RARRES1: variants seen among roughly 807,000 people sequenced by gnomAD.
The protein encoded by RARRES1 is retinoic acid receptor responder protein 1.
In RARRES1, 34 loss-of-function variants were observed where a neutral mutation model predicts 30.6. That is an observed-to-expected ratio of 1.11 (90% CI 0.84 to 1.48). The LOEUF (loss-of-function observed/expected upper bound fraction) is 1.48, where lower values mean the gene tolerates loss of function less well. Ranked by LOEUF, RARRES1 falls within the 40% of genes most tolerant of loss-of-function variation. RARRES1 has a pLI of 0.00. For missense variants in RARRES1, 373 were observed against 386.5 expected, an observed-to-expected ratio of 0.97 and a Z score of 0.29; for synonymous variants, 153 against 155.5, an observed-to-expected ratio of 0.98 and a Z score of 0.12.
chr3:158,730,389 TTC>T (rs1727839647), intron 1 of RARRES1, among the ~76,000 whole-genome samples: 1 of 98,972 alleles, frequency 1.0e-5, no homozygotes, highest in East Asian at 2.2e-4. Context: ...CCTTCCTTCC[TTC>T]CTTCCTTCCT....
intron 2 of RARRES1, among the ~76,000 whole-genome samples, chr3:158,712,835 A>G (rs1727182905): frequency 6.6e-6 from 1 of 152,240 alleles, no homozygotes. Flanking sequence ...CTACAGGATC[A>G]AATCCAGGGA....
In RARRES1 at chr3:158,704,769, T is replaced by A. The variant is rs1400513229; in HGVS notation, c.672+22A>T. ...TTGATTGTAACTCTTGTGGCACAAG[T>A]TAATTTTCAGGTTTTTCTTACCCAC... On this transcript the variant is annotated intron_variant, in intron 4 of 5. Coordinates refer to ENST00000237696, the MANE Select transcript of RARRES1 (RefSeq NM_206963.2). 5 of 1,607,796 alleles carry A rather than the reference T, an allele frequency of 3.1e-6. No individual in the cohort carries two copies. The African/African-American group carries it at 6.7e-5, about 21-fold the overall frequency.
rs755501376 is a variant in RARRES1 at position 158,697,992 on chromosome 3, A to G, written c.673-22T>C. 9.7e-6 allele frequency: 14 copies of G among 1,450,464 alleles called. No individual in the cohort carries two copies. The South Asian group carries it at 1.4e-4, about 15-fold the overall frequency. 89.8% of individuals were successfully genotyped at this position (1,450,464 alleles called of 1,614,324 possible). ...TTTTCTAGAGGGAGAAAAAAGAGTT[A>G]GTGTAATAAATATGGTGGTATTTAG... On this transcript the variant is annotated intron_variant, in intron 4 of 5. Coordinates refer to ENST00000237696, the MANE Select transcript of RARRES1 (RefSeq NM_206963.2).
At chr3:158,704,742 C>CTT in intron 4 of RARRES1, 49 bp downstream of exon 4, 2 of 1,595,088 alleles carry the variant, frequency 1.3e-6, no homozygotes, top group South Asian at 2.3e-5. Flanking sequence ...AAGGAGACCA[C>CTT]TTTGATTGTA....
In RARRES1 at chr3:158,732,156, T is replaced by G. The variant is rs972590439; in HGVS notation, c.260A>C (p.Gln87Pro). ...CGCACTCACCCACGCGCGGCCCTCC[T>G]GCACCTCGGCCAGCACTCGTAGCGC... ...PSALRVLAEV[Q>P]EGRAWINPKE... The change falls in exon 1 of 6, where the codon CAG (glutamine) becomes CCG (proline). Residue 87 changes from glutamine to proline, a missense_variant. Transcript: ENST00000237696. 3.6e-6 allele frequency: 5 copies of G among 1,401,438 alleles called. No homozygotes were observed. The East Asian group carries it at 1.2e-4, about 34-fold the overall frequency. 86.8% of individuals were successfully genotyped at this position (1,401,438 alleles called of 1,614,324 possible).
At chr3:158,713,753 A>G (rs1727223795) in intron 2 of RARRES1, 44 bp downstream of exon 2, 4 of 1,546,652 alleles carry the variant, frequency 2.6e-6, no homozygotes, top group Admixed American at 1.8e-5. Flanking sequence ...AGCCATATTT[A>G]TAGCAGTTGC....
At position 158,719,912 on chromosome 3, in the gene RARRES1, T is replaced by C. The variant is rs575192396; in HGVS notation, c.277-6053A>G. The stretch of plus-strand genomic sequence containing the variant: ...TAAGCATTCATTCAGTGCTTACATA[T>C]GAAGCATCATTGGAGGGAATCATGA... On this transcript the variant is annotated intron_variant, in intron 1 of 5. Transcript: ENST00000237696. Among the ~76,000 whole-genome samples, 6 of 152,348 alleles carry C rather than the reference T, an allele frequency of 3.9e-5. No individual in the cohort carries two copies. The South Asian group carries it at 1.2e-3, about 32-fold the overall frequency.
At chr3:158,731,443 G>C (rs1727883401) in intron 1 of RARRES1, among the ~76,000 whole-genome samples, 1 of 152,196 alleles carries the variant, frequency 6.6e-6, no homozygotes, top group Non-Finnish European at 1.5e-5. Context: ...ACACATACGA[G>C]ACAATTCCTA....
At chr3:158,714,011 C>A in intron 1 of RARRES1, 152 bp from the exon 2 acceptor site, 1 of 729,312 alleles carries the variant, frequency 1.4e-6, no homozygotes, top group South Asian at 1.8e-5. Flanking sequence ...AGAAAGATCT[C>A]AAATTTTGTT....
chr3:158,727,823 T>C (rs557784960), intron 1 of RARRES1, among the ~76,000 whole-genome samples: 1 of 152,180 alleles, frequency 6.6e-6, no homozygotes, highest in Non-Finnish European at 1.5e-5. Flanking sequence ...TCGTGGTCTG[T>C]GATTTCGCCT....
chr3:158,727,362 C>G (rs1305826008), intron 1 of RARRES1, among the ~76,000 whole-genome samples: 1 of 152,208 alleles, frequency 6.6e-6, no homozygotes, highest in African/African-American at 2.4e-5. Context: ...TGTTTCCAAC[C>G]ACTGGTCTTG....
Position 158,697,641 on chromosome 3 carries a change from A to G in RARRES1, c.*37T>C, listed in dbSNP as rs759585058. ...AAGAATGATTTATGCTAGTATAGTC[A>G]CTTGTTTAGAAGTCGGAAAAAGATC... On this transcript the variant is annotated 3_prime_UTR_variant, in exon 6 of 6. Coordinates refer to ENST00000237696, the MANE Select transcript of RARRES1 (RefSeq NM_206963.2). The G allele has an allele frequency of 3.2e-6, 5 of 1,555,532 alleles. No homozygotes were observed. The East Asian group carries it at 6.7e-5, about 21-fold the overall frequency.
At chr3:158,712,291 C>G (rs1027212953) in intron 2 of RARRES1, among the ~76,000 whole-genome samples, 1 of 152,138 alleles carries the variant, frequency 6.6e-6, no homozygotes, top group African/African-American at 2.4e-5. Context: ...AAATTGTAAT[C>G]AAAATTCTCT....
At chr3:158,698,105 G>T in intron 4 of RARRES1, 135 bp from the exon 5 acceptor site, 1 of 615,938 alleles carries the variant, frequency 1.6e-6, no homozygotes, top group South Asian at 2.5e-5. Flanking sequence ...GGTTTTTGGT[G>T]GTATTTTGCT....
intron 1 of RARRES1, among the ~76,000 whole-genome samples, chr3:158,722,482 GATTGGGTAAAGTC>G (rs1168628114): frequency 1.3e-5 from 2 of 152,144 alleles, no homozygotes; most frequent in African/African-American, 4.8e-5. Flanking sequence ...ATATTTGAAA[GATTGGGTAAAGTC>G]ATTGAAATAT....
At position 158,732,147 on chromosome 3, in the gene RARRES1, C is replaced by A; in HGVS notation, c.269G>T (p.Arg90Leu). The A allele has an allele frequency of 7.2e-7, 1 of 1,382,222 alleles. No individual in the cohort carries two copies. Among genetic ancestry groups the A allele is most frequent in the South Asian group, 1.7e-5 (1 of 59,516 alleles). The allele number at this position is 1,382,222 out of a possible 1,614,324, so 85.6% of individuals were successfully genotyped here. A position where few individuals can be genotyped will look rare whatever the true frequency, so the allele number is the denominator to read the frequency against. Residue 90 changes from arginine (R) to leucine (L), a missense_variant, in exon 1 of 6, where the codon CGC (arginine) becomes CTC (leucine). By Grantham distance (102) the Arg-to-Leu change is moderately radical (BLOSUM62 -2). Transcript: ENST00000237696. ...GCGTCGCTCCGCACTCACCCACGCG[C>A]GGCCCTCCTGCACCTCGGCCAGCAC... is the stretch of plus-strand genomic sequence containing the variant. ...LRVLAEVQEG[R>L]AWINPKEGCK...
intron 1 of RARRES1, among the ~76,000 whole-genome samples, chr3:158,719,842 T>C (rs1727443744): frequency 1.3e-5 from 2 of 152,218 alleles, no homozygotes; most frequent in African/African-American, 2.4e-5. Flanking sequence ...ATTTTATTTA[T>C]TTATGTTTTG....
chr3:158,704,919 C>T lies in RARRES1; in HGVS notation c.544G>A (p.Gly182Arg). ...LEIVSIPDNH[G>R]HIDPSLRLIW... ...AGTCTCAGAGAGGGATCAATATGTC[C>T]ATGATTATCTGAGAGAGACAAAAAA... is the stretch of plus-strand genomic sequence containing the variant. Residue 182 changes from glycine (G) to arginine (R), a missense_variant, in exon 4 of 6, where the codon GGA becomes AGA. By Grantham distance (125) the Gly-to-Arg change is moderately radical. Coordinates refer to ENST00000237696, the MANE Select transcript of RARRES1 (RefSeq NM_206963.2). The T allele has an allele frequency of 6.2e-7, 1 of 1,607,964 alleles. No homozygotes were observed. Among genetic ancestry groups the T allele is most frequent in the Non-Finnish European group, 8.5e-7 (1 of 1,178,276 alleles).
chr3:158,731,672 G>A (rs1157795994), intron 1 of RARRES1, among the ~76,000 whole-genome samples: 2 of 152,202 alleles, frequency 1.3e-5, no homozygotes, highest in Non-Finnish European at 2.9e-5. Context: ...AGTCGTCCGC[G>A]GTATGGTATG....
Sources: allele counts gnomAD v4.1 joint callset (sites outside exome capture counted in the v4.1 genomes callset), GRCh38; gene constraint gnomAD v4.1.1; transcripts MANE v1.5; gene names NCBI Gene and HGNC (gene_info 2026-07-23, HGNC 2026-07-21).